PTPRK: variants seen among roughly 807,000 people sequenced by gnomAD.
PTPRK encodes the protein receptor-type tyrosine-protein phosphatase kappa.
PTPRK carries 75 observed loss-of-function variants against 178.0 expected under a neutral mutation model. The observed-to-expected ratio is 0.42, with a 90% confidence interval of 0.35 to 0.51. The LOEUF is 0.51. PTPRK is among the 20% of genes least tolerant of loss of function. The pLI, the probability that PTPRK is intolerant of heterozygous loss-of-function variation, is 0.02. For synonymous variants in PTPRK, 637 were observed against 620.6 expected (o/e 1.03, Z -0.39); for missense variants, 1,441 against 1,797.8 (o/e 0.80, Z 3.59).
At chr6:128,036,804 C>T (rs866310701) in intron 13 of PTPRK, among the ~76,000 whole-genome samples, 5 of 151,352 alleles carry the variant, frequency 3.3e-5, no homozygotes, top group South Asian at 2.1e-4. Flanking sequence ...GGTGCGATCT[C>T]GGCTGCAACC....
chr6:128,221,597 T>G (rs1057221048), intron 5 of PTPRK, among the ~76,000 whole-genome samples: 1 of 151,932 alleles, frequency 6.6e-6, no homozygotes. Context: ...AATACCTTTC[T>G]CCATATCTTA....
intron 2 of PTPRK, among the ~76,000 whole-genome samples, chr6:128,345,594 A>G (rs1460823603): frequency 1.3e-5 from 2 of 152,222 alleles, no homozygotes; most frequent in South Asian, 2.1e-4. Context: ...AGAAACAAAT[A>G]ATTAGGTTAT....
chr6:128,387,847 G>T (rs1172419660), intron 2 of PTPRK, among the ~76,000 whole-genome samples: 1 of 152,074 alleles, frequency 6.6e-6, no homozygotes, highest in East Asian at 1.9e-4. Flanking sequence ...CCTGATGCTA[G>T]GCTGAATAAC....
chr6:128,103,108 CA>C (rs1487241995), intron 7 of PTPRK, among the ~76,000 whole-genome samples: 1 of 150,836 alleles, frequency 6.6e-6, no homozygotes, highest in Non-Finnish European at 1.5e-5. Context: ...AACAGAGGAA[CA>C]GAAGAGTGGA....
At chr6:127,988,300 CTTTTTTTTTT>C (rs374249275) in intron 21 of PTPRK, among the ~76,000 whole-genome samples, 1 of 117,668 alleles carries the variant, frequency 8.5e-6, no homozygotes, top group Non-Finnish European at 1.8e-5. Context: ...TTATGCTAAC[CTTTTTTTTTT>C]TTTTTTTTTT....
chr6:127,987,215 T>C (rs139789334), intron 21 of PTPRK, among the ~76,000 whole-genome samples: 1 of 151,600 alleles, frequency 6.6e-6, no homozygotes, highest in African/African-American at 2.4e-5. Context: ...TTTTTCTGAA[T>C]GATTTTCAAA....
intron 1 of PTPRK, among the ~76,000 whole-genome samples, chr6:128,415,836 C>T (rs1842786678): frequency 1.3e-5 from 2 of 151,946 alleles, no homozygotes; most frequent in African/African-American, 4.8e-5. Context: ...AATTACTATT[C>T]AAAATAACTG....
At chr6:128,093,380 G>T (rs888158040) in intron 7 of PTPRK, among the ~76,000 whole-genome samples, 3 of 151,814 alleles carry the variant, frequency 2.0e-5, no homozygotes, top group African/African-American at 7.3e-5. Context: ...GATGGCCTGA[G>T]CTCAGGAGCT....
chr6:128,339,926 G>A (rs545792698), intron 2 of PTPRK, among the ~76,000 whole-genome samples: 134 of 152,240 alleles, frequency 8.8e-4, no homozygotes, highest in African/African-American at 3.1e-3. Context: ...AAGAGAGGTA[G>A]TTTTGGCCAC....
intron 13 of PTPRK, among the ~76,000 whole-genome samples, chr6:128,037,172 T>C (rs895164686): frequency 6.6e-6 from 1 of 152,160 alleles, no homozygotes; most frequent in African/African-American, 2.4e-5. Flanking sequence ...TCTCCAGACT[T>C]AGGCCTCTGT....
chr6:128,164,787 C>T (rs1274758687), intron 7 of PTPRK, among the ~76,000 whole-genome samples: 9 of 150,616 alleles, frequency 6.0e-5, no homozygotes, highest in Non-Finnish European at 1.0e-4. Flanking sequence ...GAAAAGAACA[C>T]TTGAAAAATG....
intron 3 of PTPRK, among the ~76,000 whole-genome samples, chr6:128,319,171 G>T (rs1169030899): frequency 1.3e-5 from 2 of 152,140 alleles, no homozygotes; most frequent in African/African-American, 2.4e-5. Context: ...ATCGACAAAA[G>T]AATTCTAGTC....
intron 13 of PTPRK, among the ~76,000 whole-genome samples, chr6:128,017,523 G>A (rs1454520919): frequency 6.6e-6 from 1 of 151,470 alleles, no homozygotes; most frequent in Non-Finnish European, 1.5e-5. Context: ...GCTATGAGGT[G>A]TCTCAGACCT....
chr6:128,344,569 A>C (rs1832143089), intron 2 of PTPRK, among the ~76,000 whole-genome samples: 1 of 151,910 alleles, frequency 6.6e-6, no homozygotes, highest in South Asian at 2.1e-4. Flanking sequence ...TTGTCCTGGC[A>C]GATCATGGCG....
At chr6:128,253,768 A>G (rs1665094899) in intron 3 of PTPRK, among the ~76,000 whole-genome samples, 1 of 152,246 alleles carries the variant, frequency 6.6e-6, no homozygotes, top group Non-Finnish European at 1.5e-5. Context: ...TATGCTTATG[A>G]AACTCAAGAA....
chr6:128,063,932 G>C (rs1781310176), intron 13 of PTPRK, among the ~76,000 whole-genome samples: 1 of 152,098 alleles, frequency 6.6e-6, no homozygotes, highest in Non-Finnish European at 1.5e-5. Flanking sequence ...TCAACTACTG[G>C]ACACAAATGT....
intron 13 of PTPRK, among the ~76,000 whole-genome samples, chr6:128,015,405 A>T (rs1476396086): frequency 6.6e-6 from 1 of 151,650 alleles, no homozygotes; most frequent in Non-Finnish European, 1.5e-5. Context: ...AACACAGTTG[A>T]TTCTATCTGC....
At chr6:128,423,904 G>A (rs1843781370) in intron 1 of PTPRK, among the ~76,000 whole-genome samples, 1 of 151,812 alleles carries the variant, frequency 6.6e-6, no homozygotes, top group African/African-American at 2.4e-5. Context: ...GAGAACTATA[G>A]CAAATAATAT....
At chr6:128,329,189 T>TA (rs1403853296) in intron 2 of PTPRK, among the ~76,000 whole-genome samples, 1 of 152,146 alleles carries the variant, frequency 6.6e-6, no homozygotes, top group African/African-American at 2.4e-5. Flanking sequence ...TGCTTTTATT[T>TA]ATGTTGAGTC....
Sources: allele counts gnomAD v4.1 joint callset (sites outside exome capture counted in the v4.1 genomes callset), GRCh38; gene constraint gnomAD v4.1.1; transcripts MANE v1.5; gene names NCBI Gene and HGNC (gene_info 2026-07-23, HGNC 2026-07-21).